PGM3: variants seen among roughly 807,000 people sequenced by gnomAD.
The protein encoded by PGM3 is phosphoacetylglucosamine mutase.
In PGM3, 40 loss-of-function variants were observed where a neutral mutation model predicts 66.2. The ratio of observed to expected loss-of-function variants is 0.60; its 90% CI spans 0.47 to 0.79. The LOEUF (loss-of-function observed/expected upper bound fraction) is 0.79. PGM3 is among the 30% of genes least tolerant of loss of function. PGM3 has a pLI of 0.00. For synonymous variants in PGM3, 191 were observed against 224.2 expected, an observed-to-expected ratio of 0.85 and a Z score of 1.32; for missense variants, 537 against 643.4, an observed-to-expected ratio of 0.83 and a Z score of 1.79.
At chr6:83,152,886 G>A in the PGM3 span, among the ~76,000 whole-genome samples, 1 of 152,120 alleles carries the variant, frequency 6.6e-6, no homozygotes, top group Non-Finnish European at 1.5e-5. Context: ...CCAAAGTGCT[G>A]AGGTTACAGG....
chr6:83,169,709 A>G, intron 12 of PGM3: 1 of 459,576 alleles, frequency 2.2e-6, no homozygotes, highest in Non-Finnish European at 4.4e-6. Flanking sequence ...AAGCTTCTGC[A>G]GGAAAGCTGC....
At chr6:83,180,767 A>T (rs754381086) in intron 6 of PGM3, among the ~76,000 whole-genome samples, 5 of 152,202 alleles carry the variant, frequency 3.3e-5, no homozygotes, top group Non-Finnish European at 5.9e-5. Context: ...AAAACAAGCA[A>T]TTCAATGAAA....
Position 83,165,965 on chromosome 6 carries a change from AT to A in PGM3, c.*3268del. On this transcript the variant is annotated 3_prime_UTR_variant, in exon 13 of 13. Transcript: ENST00000513973. ...AAACCACCAAACAATGACCATGACC[AT>A]TTTTTGGAGCAAGTTTGGCTTTGGG... The A allele has an allele frequency of 1.2e-5, 4 of 335,798 alleles. No individual in the cohort carries two copies. The highest frequency in any genetic ancestry group is 2.9e-5 in the South Asian group (1 of 34,694). 20.8% of individuals were successfully genotyped at this position (335,798 alleles called of 1,614,324 possible).
intron 9 of PGM3, 40 bp downstream of exon 9, chr6:83,175,922 A>C: frequency 9.5e-7 from 1 of 1,050,396 alleles, no homozygotes; most frequent in Non-Finnish European, 1.5e-6. Context: ...ATCATAAAGA[A>C]AAGTGCCAGC....
intron 11 of PGM3, 139 bp downstream of exon 11, chr6:83,171,798 A>G (rs1787205085): frequency 1.2e-5 from 8 of 671,504 alleles, no homozygotes; most frequent in Admixed American, 3.0e-5. Flanking sequence ...TTGGCCCATA[A>G]GGCCTTATTT....
In PGM3 at chr6:83,178,726, G is replaced by T; in HGVS notation, c.976C>A (p.Gln326Lys). 1 of 1,598,220 alleles carries T rather than the reference G, an allele frequency of 6.3e-7. No homozygotes were observed. Among genetic ancestry groups the T allele is most frequent in the Non-Finnish European group, 8.6e-7 (1 of 1,165,768 alleles). Residue 326 changes from glutamine (Q) to lysine (K), a missense_variant, in exon 8 of 13, where the codon CAA becomes AAA. Coordinates refer to ENST00000513973, the MANE Select transcript of PGM3 (RefSeq NM_015599.3). ...GAACTTCCATTTGCATATGCAGTTT[G>T]TACAACACCAATATTCAAACTTTCT... ...IGESLNIGVV[Q>K]TAYANGSSTR... is the part of the protein sequence containing the mutation.
intron 8 of PGM3, 173 bp from the exon 9 acceptor site, chr6:83,176,233 C>T (rs1787754628): frequency 1.9e-6 from 1 of 518,536 alleles, no homozygotes; most frequent in Admixed American, 3.0e-5. Context: ...AGCATGAACA[C>T]ACTCTGGAAG....
chr6:83,190,646 G>A, intron 2 of PGM3, 163 bp downstream of exon 2: 1 of 614,910 alleles, frequency 1.6e-6, no homozygotes, highest in Non-Finnish European at 2.9e-6. Flanking sequence ...TGAGCTTAAT[G>A]ATCATGCTCT....
intron 4 of PGM3, 73 bp downstream of exon 4, chr6:83,186,935 A>G (rs999338006): frequency 2.5e-6 from 2 of 811,912 alleles, no homozygotes; most frequent in African/African-American, 1.8e-5. Context: ...TTTTCTAAAT[A>G]AATATACATT....
Position 83,191,834 on chromosome 6 carries a change from C to CA in PGM3, c.-2-821dup, listed in dbSNP as rs547980216. ...CGAAACCGCCTCTCTATTAAAAATA[C>CA]AAAAAAATTAGTCGGGCGTGTTAGC... is the stretch of plus-strand genomic sequence containing the variant. On this transcript the variant is annotated intron_variant, in intron 1 of 12. Coordinates refer to ENST00000513973, the MANE Select transcript of PGM3 (RefSeq NM_015599.3). Among the ~76,000 whole-genome samples, 376 of 150,108 alleles carry CA rather than the reference C, an allele frequency of 2.5e-3. 2 individuals carry two copies. Among genetic ancestry groups the CA allele is most frequent in the African/African-American group, 8.4e-3 (343 of 40,652 alleles).
At chr6:83,184,592 G>A (rs1788437390) in intron 4 of PGM3, among the ~76,000 whole-genome samples, 1 of 152,192 alleles carries the variant, frequency 6.6e-6, no homozygotes, top group African/African-American at 2.4e-5. Context: ...TATACCCAGT[G>A]AAAAGCATTA....
chr6:83,167,312 C>G lies in PGM3; in HGVS notation c.*1922G>C. On this transcript the variant is annotated 3_prime_UTR_variant, in exon 13 of 13. Transcript: ENST00000513973. ...ACAACCCAGAAGGAGACAGCAGTGT[C>G]TCCTGAGGGATCCCTTCCTTTCTCT... 1 of 985,568 alleles carries G rather than the reference C, an allele frequency of 1.0e-6. No individual in the cohort carries two copies. The highest frequency in any genetic ancestry group is 1.2e-6 in the Non-Finnish European group (1 of 830,072). 61.1% of individuals were successfully genotyped at this position (985,568 alleles called of 1,614,324 possible).
chr6:83,152,252 G>A, the PGM3 span: 1 of 1,262,314 alleles, frequency 7.9e-7, no homozygotes, highest in East Asian at 2.5e-5. Context: ...TTTTCAGTGG[G>A]AATTAGCCAT....
At chr6:83,153,503 T>C in the PGM3 span, 1,386 of 1,573,140 alleles carry the variant, frequency 8.8e-4, 4 homozygotes, top group South Asian at 1.1e-3. Context: ...TTTTTTATGT[T>C]TTCATAGGTT....
the PGM3 span, chr6:83,153,449 G>T: frequency 9.5e-7 from 1 of 1,048,848 alleles, no homozygotes; most frequent in Non-Finnish European, 1.4e-6. Flanking sequence ...CTGAAAATCA[G>T]TACCTTGGGA....
At chr6:83,158,569 A>G (rs897520006), downstream of PGM3, 1 of 1,599,730 alleles carries the variant, frequency 6.3e-7, no homozygotes, top group Non-Finnish European at 8.6e-7. Context: ...ATTTTCAGGT[A>G]CAAGTATTTT....
intron 12 of PGM3, chr6:83,169,624 CAGTA>C (rs879640177): frequency 5.8e-5 from 27 of 461,856 alleles, no homozygotes; most frequent in Non-Finnish European, 2.1e-5. Flanking sequence ...ATTGGCCTAA[CAGTA>C]AGTAAGTACT....
At chr6:83,152,558 TA>T in the PGM3 span, among the ~76,000 whole-genome samples, 1 of 152,002 alleles carries the variant, frequency 6.6e-6, no homozygotes, top group Admixed American at 6.6e-5. Flanking sequence ...ACATTAGTGA[TA>T]AATTTAGATA....
At position 83,172,024 on chromosome 6, in the gene PGM3, A is replaced by G; in HGVS notation, c.1278T>C (p.Ile426=). ...AGDAISDMLV[I]EAILALKGLT... ...AGCCCTTCAGAGCCAAGATTGCTTCAATCACCAGCATGTCAGAAATAGCAT... is the reference window on the plus strand; with the variant it reads ...AGCCCTTCAGAGCCAAGATTGCTTCGATCACCAGCATGTCAGAAATAGCAT... The change falls in exon 11 of 13, where the codon ATT becomes ATC. Residue 426 remains isoleucine (I), a synonymous_variant. Coordinates refer to ENST00000513973, the MANE Select transcript of PGM3 (RefSeq NM_015599.3). The G allele has an allele frequency of 6.2e-7, 1 of 1,613,888 alleles. No individual in the cohort carries two copies. The highest frequency in any genetic ancestry group is 8.5e-7 in the Non-Finnish European group (1 of 1,179,738).
Sources: gnomAD v4.1 joint callset for allele counts (sites outside exome capture counted in the v4.1 genomes callset) on GRCh38, gnomAD v4.1.1 for gene constraint, MANE v1.5 for transcripts, NCBI Gene and HGNC (gene_info 2026-07-23, HGNC 2026-07-21) for gene names.